Variants in MACROD1 observed in about 807,000 individuals in gnomAD.
MACROD1 encodes the protein ADP-ribose glycohydrolase MACROD1.
Under a neutral mutation model 41.4 loss-of-function variants are expected in MACROD1, and 31 were observed. The observed-to-expected ratio is 0.75, with a 90% CI of 0.56 to 1.01. The LOEUF is 1.01. MACROD1 is among the 50% of genes least tolerant of loss of function. The pLI, the probability that MACROD1 is intolerant of heterozygous loss-of-function variation, is 0.00. For synonymous variants in MACROD1, 252 were observed against 203.4 expected (o/e 1.24, Z -2.03); for missense variants, 473 against 460.0 (o/e 1.03, Z -0.26).
chr11:64,121,947 G>A (rs565796218), intron 3 of MACROD1, among the ~76,000 whole-genome samples: 1 of 150,594 alleles, frequency 6.6e-6, no homozygotes, highest in Admixed American at 6.6e-5. Context: ...CTATTACATG[G>A]CAATTTTCCT....
chr11:64,165,348 C>CG (rs1945823019), intron 1 of MACROD1, among the ~76,000 whole-genome samples: 1 of 152,222 alleles, frequency 6.6e-6, no homozygotes, highest in South Asian at 2.1e-4. Flanking sequence ...CTGTGGCACT[C>CG]GGCCTCAGTT....
At chr11:64,157,314 G>C (rs1945684508) in intron 1 of MACROD1, among the ~76,000 whole-genome samples, 1 of 152,038 alleles carries the variant, frequency 6.6e-6, no homozygotes, top group Non-Finnish European at 1.5e-5. Context: ...AGCTGGTCGT[G>C]AACTCCTGAC....
intron 3 of MACROD1, among the ~76,000 whole-genome samples, chr11:64,048,945 G>C (rs1456729822): frequency 6.6e-6 from 1 of 152,224 alleles, no homozygotes; most frequent in Non-Finnish European, 1.5e-5. Context: ...TCTGGTGTGA[G>C]GGAGAGCCTG....
chr11:64,120,912 G>A lies in MACROD1; in HGVS notation c.517+30327C>T, dbSNP rs1265079246. 2.0e-5 allele frequency among the ~76,000 whole-genome samples: 3 copies of A among 152,112 alleles called. No homozygotes were observed. On this transcript the variant is annotated intron_variant, in intron 3 of 10. Transcript: ENST00000255681. This position sits in a 1 kb window ranked among gnomAD's most constrained non-coding sequence, Gnocchi z 4.5. ...AAGTCCCGCCCATCTGCAACACGGTGCTGCCAGCACACTGTCCCCACCTCA... is the reference window on the plus strand; with the variant it reads ...AAGTCCCGCCCATCTGCAACACGGTACTGCCAGCACACTGTCCCCACCTCA...
chr11:64,164,958 AGTG>A (rs1205110004), intron 1 of MACROD1, among the ~76,000 whole-genome samples: 5 of 152,206 alleles, frequency 3.3e-5, no homozygotes, highest in Non-Finnish European at 7.3e-5. Flanking sequence ...AGCAAGAGGA[AGTG>A]GTGTGATTCT....
At chr11:64,020,777 G>T (rs1484433142) in intron 3 of MACROD1, among the ~76,000 whole-genome samples, 1 of 152,006 alleles carries the variant, frequency 6.6e-6, no homozygotes, top group Non-Finnish European at 1.5e-5. Flanking sequence ...GGAGTGCTGT[G>T]GTTCGATCTC....
intron 3 of MACROD1, among the ~76,000 whole-genome samples, chr11:64,109,403 C>A (rs1007095497): frequency 2.9e-4 from 44 of 152,102 alleles, no homozygotes; most frequent in African/African-American, 9.4e-4. Context: ...CTGGGAAACC[C>A]GGGAGGCTGC....
intron 4 of MACROD1, chr11:64,001,868 ACATCCTGGCTCTGCCAGC>A (rs1942831707): frequency 1.5e-6 from 1 of 667,960 alleles, no homozygotes; most frequent in Non-Finnish European, 2.8e-6. Flanking sequence ...ACGTGAGTTC[ACATCCTGGCTCTGCCAGC>A]CACAGATGTG....
At chr11:64,158,923 C>T (rs181252498) in intron 1 of MACROD1, among the ~76,000 whole-genome samples, 45 of 152,262 alleles carry the variant, frequency 3.0e-4, no homozygotes, top group Non-Finnish European at 5.4e-4. Flanking sequence ...CAGTGACTCA[C>T]GCCTGTAATC....
chr11:64,007,436 G>A (rs564873915), intron 4 of MACROD1, among the ~76,000 whole-genome samples: 1 of 152,346 alleles, frequency 6.6e-6, no homozygotes, highest in African/African-American at 2.4e-5. Flanking sequence ...GGCTTTGGAA[G>A]GAGATGGGGA....
At chr11:64,111,805 A>C (rs776188817) in intron 3 of MACROD1, among the ~76,000 whole-genome samples, 6 of 152,184 alleles carry the variant, frequency 3.9e-5, no homozygotes, top group Non-Finnish European at 8.8e-5. Flanking sequence ...CCAGTCCCCA[A>C]TGTAATGAAA....
At chr11:64,157,910 G>T (rs964245068) in intron 1 of MACROD1, among the ~76,000 whole-genome samples, 1 of 152,174 alleles carries the variant, frequency 6.6e-6, no homozygotes, top group African/African-American at 2.4e-5. Context: ...CAAGAACAGG[G>T]TCTTGTCAAA....
intron 3 of MACROD1, among the ~76,000 whole-genome samples, chr11:64,105,281 TC>T: frequency 6.6e-6 from 1 of 152,230 alleles, no homozygotes; most frequent in East Asian, 1.9e-4. Context: ...CTAGGAGGGC[TC>T]GGGGGTCATT....
At position 64,151,055 on chromosome 11, in the gene MACROD1, G is replaced by A. The variant is rs373581440; in HGVS notation, c.517+184C>T. Among the ~76,000 whole-genome samples the A allele has an allele frequency of 2.0e-5, 3 of 152,358 alleles. No individual in the cohort carries two copies. In the East Asian group the frequency reaches 5.8e-4, roughly 29 times the overall value. On this transcript the variant is annotated intron_variant, in intron 3 of 10. Coordinates refer to ENST00000255681, the MANE Select transcript of MACROD1 (RefSeq NM_014067.4). The stretch of plus-strand genomic sequence containing the variant: ...AAGGCGCCCCCGACACAGCAGGTCA[G>A]GGTTTCAAGGGAAGAGGAGCCCGAG...
At chr11:64,135,919 G>C (rs1945325206) in intron 3 of MACROD1, among the ~76,000 whole-genome samples, 2 of 152,136 alleles carry the variant, frequency 1.3e-5, no homozygotes, top group Non-Finnish European at 2.9e-5. Flanking sequence ...TCCCTGCAAG[G>C]ACCCCTGGAG....
chr11:64,105,674 G>T (rs1416437288), intron 3 of MACROD1, among the ~76,000 whole-genome samples: 2 of 152,220 alleles, frequency 1.3e-5, no homozygotes, highest in African/African-American at 4.8e-5. Context: ...AGGGGCTGCA[G>T]ACATGCTGGT....
At chr11:63,999,789 G>A (rs776247294) in intron 5 of MACROD1, 26 bp from the exon 6 acceptor site, 3 of 1,594,892 alleles carry the variant, frequency 1.9e-6, no homozygotes, top group Non-Finnish European at 2.6e-6. Context: ...GGGTCAGACC[G>A]GCGGGGGTCT....
intron 2 of MACROD1, 150 bp downstream of exon 2, chr11:64,152,142 A>T: frequency 1.5e-6 from 1 of 646,758 alleles, no homozygotes; most frequent in Non-Finnish European, 2.7e-6. Flanking sequence ...AAAATAAAAT[A>T]AAATAATTGA....
At chr11:64,015,407 G>C (rs894713929) in intron 3 of MACROD1, 126 bp from the exon 4 acceptor site, 2 of 777,114 alleles carry the variant, frequency 2.6e-6, no homozygotes, top group African/African-American at 1.8e-5. Flanking sequence ...TTGGGCACAG[G>C]GTCTTCCCAG....
Sources: gnomAD v4.1 joint callset for allele counts (sites outside exome capture counted in the v4.1 genomes callset) on GRCh38, gnomAD v4.1.1 for gene constraint, Gnocchi (gnomAD v3.1) non-coding constraint, MANE v1.5 for transcripts, NCBI Gene and HGNC (gene_info 2026-07-23, HGNC 2026-07-21) for gene names.